The following FAT1 variants were observed in gnomAD, a reference collection of about 807,000 sequenced individuals.
FAT1 encodes FAT atypical cadherin 1.
In FAT1, 171 loss-of-function variants were observed where a neutral mutation model predicts 329.8. The ratio of observed to expected loss-of-function variants is 0.52; its 90% CI spans 0.46 to 0.59. FAT1 has a LOEUF of 0.59. Among genes scored for constraint, FAT1 ranks in the 20% least tolerant of loss-of-function variants. The probability of loss-of-function intolerance (pLI) is 0.00; values close to 1 mark genes in which losing one functional copy is unlikely to be tolerated. For missense variants in FAT1, 5,672 were observed against 5,774.4 expected, an observed-to-expected ratio of 0.98 and a Z score of 0.57; for synonymous variants, 2,233 against 2,228.6, an observed-to-expected ratio of 1.00 and a Z score of -0.06.
chr4:186,610,668 AATTTATATAAATATAAATTATAT>A (rs1739386759), intron 14 of FAT1, among the ~76,000 whole-genome samples: 5 of 67,756 alleles, frequency 7.4e-5, no homozygotes, highest in African/African-American at 3.2e-4. Context: ...TAAATTATAT[AATTTATATAAATATAAATTATAT>A]AATTTATATA....
At chr4:186,721,428 C>A (rs545314355) in intron 1 of FAT1, among the ~76,000 whole-genome samples, 1 of 152,286 alleles carries the variant, frequency 6.6e-6, no homozygotes, top group Admixed American at 6.5e-5. Context: ...GCAAACTGAA[C>A]AATTAAGTGA....
chr4:186,590,728 A>G (rs1446723478), intron 26 of FAT1: 1 of 452,232 alleles, frequency 2.2e-6, no homozygotes, highest in East Asian at 7.0e-5. Flanking sequence ...GGAATAATGA[A>G]AACAAAACAA....
rs749494325 is a variant in FAT1, at chr4:186,621,530, C to G, written c.5056G>C (p.Val1686Leu). The G allele has an allele frequency of 6.2e-7, 1 of 1,613,984 alleles. No individual in the cohort carries two copies. The highest frequency in any genetic ancestry group is 1.1e-5 in the South Asian group (1 of 91,060). ...TGACTATGGGCTGTAACCATCCCAA[C>G]GAAACTCCCAATGCTGACAGTTTCA... ...LSETVSIGSF[V>L]GMVTAHSQSS... The change falls in exon 10 of 27, where the codon GTT becomes CTT. Residue 1686 changes from valine (V) to leucine (L), a missense_variant. Transcript: ENST00000441802.
At position 186,668,968 on chromosome 4, in the gene FAT1, T is replaced by C. The variant is rs114401911; in HGVS notation, c.3266-5355A>G. The stretch of plus-strand genomic sequence containing the variant: ...AACTTTCAATAAGTACTTTTTTATA[T>C]AGTGGGTTATAAACTCACCCTGGAG... On this transcript the variant is annotated intron_variant, in intron 2 of 26. Coordinates refer to ENST00000441802, the MANE Select transcript of FAT1 (RefSeq NM_005245.4). Among the ~76,000 whole-genome samples, 572 of 152,318 alleles carry C rather than the reference T, an allele frequency of 3.8e-3. 3 individuals are homozygous for C. The highest frequency in any genetic ancestry group is 0.023 in the South Asian group (112 of 4,828).
intron 3 of FAT1, among the ~76,000 whole-genome samples, chr4:186,649,276 T>C (rs1050419203): frequency 4.6e-5 from 7 of 152,118 alleles, no homozygotes; most frequent in African/African-American, 1.7e-4. Context: ...ATGTAGTCTT[T>C]ACAACATTAA....
chr4:186,608,943 A>T (rs1009873750), intron 16 of FAT1, among the ~76,000 whole-genome samples: 4 of 152,356 alleles, frequency 2.6e-5, no homozygotes, highest in Non-Finnish European at 5.9e-5. Context: ...GAACACTGGA[A>T]CCAACAGTAA....
In FAT1 at chr4:186,609,874, G is replaced by A. The variant is rs777651584; in HGVS notation, c.9995C>T (p.Thr3332Ile). 2.5e-6 allele frequency: 4 copies of A among 1,613,540 alleles called. No homozygotes were observed. The Admixed American group carries it at 6.7e-5, about 27-fold the overall frequency. ...GTAGGTGTCTTGGCTGAACACAGGGGTATTATCGTTGATATCTGTTACATT... is the reference window on the plus strand; with the variant it reads ...GTAGGTGTCTTGGCTGAACACAGGGATATTATCGTTGATATCTGTTACATT... ...NVNVTDINDNTPVFSQDTYTT... is the reference protein window; with the variant it reads ...NVNVTDINDNIPVFSQDTYTT... The change falls in exon 15 of 27, where the codon ACC becomes ATC. Residue 3332 changes from threonine to isoleucine, a missense_variant. Thr to Ile is a moderately conservative substitution (Grantham distance 89). This residue lies in a region of FAT1 where 1,706 missense variants were observed against 1,859.1 expected (regional missense o/e 0.92). Coordinates refer to ENST00000441802, the MANE Select transcript of FAT1 (RefSeq NM_005245.4).
intron 1 of FAT1, among the ~76,000 whole-genome samples, chr4:186,714,363 C>G (rs976870262): frequency 6.6e-6 from 1 of 151,958 alleles, no homozygotes; most frequent in Non-Finnish European, 1.5e-5. Flanking sequence ...GGCCAGGAAC[C>G]GAGAGGGAGA....
intron 1 of FAT1, among the ~76,000 whole-genome samples, chr4:186,722,010 G>T (rs1745489030): frequency 1.3e-5 from 2 of 152,098 alleles, no homozygotes; most frequent in South Asian, 2.1e-4. Context: ...CGCTAATTTT[G>T]TATTTTTAGT....
chr4:186,710,294 C>A (rs1180003123), intron 1 of FAT1, among the ~76,000 whole-genome samples: 3 of 152,044 alleles, frequency 2.0e-5, no homozygotes, highest in Non-Finnish European at 4.4e-5. Flanking sequence ...TGTGAGAATG[C>A]AAAGCTTCTG....
chr4:186,664,588 A>G (rs1305208746), intron 2 of FAT1, among the ~76,000 whole-genome samples: 2 of 152,232 alleles, frequency 1.3e-5, no homozygotes, highest in African/African-American at 4.8e-5. Flanking sequence ...GTTTTGGTCC[A>G]GCCACTGAAA....
rs2126512108 is a variant in FAT1 at position 186,620,072 on chromosome 4, T to A, written c.6514A>T (p.Ile2172Phe). The A allele has an allele frequency of 1.2e-6, 2 of 1,614,032 alleles. No individual in the cohort carries two copies. Among genetic ancestry groups the A allele is most frequent in the Non-Finnish European group, 1.7e-6 (2 of 1,179,892 alleles). The change falls in exon 10 of 27, where the codon ATC becomes TTC. Residue 2172 changes from isoleucine to phenylalanine, a missense_variant. Ile to Phe is a conservative substitution (Grantham distance 21). Coordinates refer to ENST00000441802, the MANE Select transcript of FAT1 (RefSeq NM_005245.4). ...PAFSAEVIVP[I>F]TVMNKAMPVF... ...GGCATGGCTTTATTCATGACAGTGA[T>A]CGGAACGATAACTTCCGCTGAAAAG...
Position 186,618,641 on chromosome 4 carries a change from T to G in FAT1, c.7945A>C (p.Asn2649His), listed in dbSNP as rs542200281. ...GTAGTGATTACGCCGGACAGTTTGT[T>G]AATTTCCAAATTCTCTTTTACACTT... ...SESVKENLEI[N>H]KLSGVITTKE... The change falls in exon 10 of 27, where the codon AAC becomes CAC. Residue 2649 changes from asparagine (N) to histidine (H), a missense_variant. Physicochemically the swap from Asn to His is moderately conservative, Grantham distance 68. This residue lies in a region of FAT1 where 3,966 missense variants were observed against 3,915.2 expected (regional missense o/e 1.01). Transcript: ENST00000441802. 1 of 1,614,066 alleles carries G rather than the reference T, an allele frequency of 6.2e-7. No homozygotes were observed. Among genetic ancestry groups the G allele is most frequent in the East Asian group, 2.2e-5 (1 of 44,880 alleles).
At chr4:186,663,038 A>G (rs928171592) in intron 3 of FAT1, among the ~76,000 whole-genome samples, 7 of 152,106 alleles carry the variant, frequency 4.6e-5, no homozygotes, top group Non-Finnish European at 2.9e-5. Context: ...GGGTTTCACC[A>G]TGTTAGCCAG....
intron 1 of FAT1, among the ~76,000 whole-genome samples, chr4:186,721,007 C>T (rs977869682): frequency 6.6e-5 from 10 of 152,200 alleles, no homozygotes; most frequent in African/African-American, 1.9e-4. Flanking sequence ...ACCCACCTTA[C>T]GCTGCCTCAA....
chr4:186,598,222 G>A (rs1738631612), intron 22 of FAT1, 97 bp from the exon 23 acceptor site: 4 of 1,152,174 alleles, frequency 3.5e-6, no homozygotes, highest in Non-Finnish European at 3.5e-6. Flanking sequence ...TCCGAGGTCT[G>A]TAAAAGCTCG....
Position 186,619,695 on chromosome 4 carries a change from T to C in FAT1, c.6891A>G (p.Val2297=), listed in dbSNP as rs764757122. The change falls in exon 10 of 27, where the codon GTA becomes GTG. Residue 2297 remains valine (V), a synonymous_variant. Coordinates refer to ENST00000441802, the MANE Select transcript of FAT1 (RefSeq NM_005245.4). The part of the protein sequence containing the change: ...SYAVTLSEAS[V]IGTSVVQVRA... ...TAACTTGAACAACAGACGTTCCAAT[T>C]ACAGATGCCTCAGACAGGGTCACCG... The C allele has an allele frequency of 6.2e-7, 1 of 1,613,982 alleles. No homozygotes were observed. The highest frequency in any genetic ancestry group is 1.1e-5 in the South Asian group (1 of 91,078).
Position 186,589,127 on chromosome 4 carries a change from G to A in FAT1, c.13232C>T (p.Pro4411Leu), listed in dbSNP as rs1738114024. Residue 4411 changes from proline to leucine, a missense_variant, in exon 27 of 27, where the codon CCC (proline) becomes CTC (leucine). By Grantham distance (98) the Pro-to-Leu change is moderately conservative (BLOSUM62 -3). Coordinates refer to ENST00000441802, the MANE Select transcript of FAT1 (RefSeq NM_005245.4). ...PNYEVIDEQT[P>L]LYSADPNAID... ...GGCGTTTGGATCTGCTGAGTACAGG[G>A]GTGTCTGCTCATCAATCACCTCATA... 1 of 1,613,732 alleles carries A rather than the reference G, an allele frequency of 6.2e-7. No homozygotes were observed. Among genetic ancestry groups the A allele is most frequent in the Non-Finnish European group, 8.5e-7 (1 of 1,179,894 alleles).
At chr4:186,654,887 C>T (rs1013430021) in intron 3 of FAT1, among the ~76,000 whole-genome samples, 9 of 149,352 alleles carry the variant, frequency 6.0e-5, no homozygotes, top group South Asian at 2.1e-4. Context: ...CCAGCCTGGA[C>T]GACAGAGTGA....
Sources: allele counts gnomAD v4.1 joint callset (sites outside exome capture counted in the v4.1 genomes callset), GRCh38; gene constraint gnomAD v4.1.1; regional missense constraint gnomAD v4.1.1; transcripts MANE v1.5; gene names NCBI Gene and HGNC (gene_info 2026-07-23, HGNC 2026-07-21).